LZTFL1: variants seen among roughly 807,000 people sequenced by gnomAD.
The protein encoded by LZTFL1 is leucine zipper transcription factor like 1.
A neutral mutation model predicts 45.9 loss-of-function variants in LZTFL1; 25 were observed. The observed-to-expected ratio is 0.54, with a 90% CI of 0.40 to 0.76. The LOEUF is 0.76. Ranked by LOEUF, LZTFL1 falls within the 30% of genes least tolerant of loss-of-function variation. LZTFL1 has a pLI of 0.00. For missense variants in LZTFL1, 277 were observed against 331.1 expected (o/e 0.84, Z 1.27); for synonymous variants, 93 against 117.4 (o/e 0.79, Z 1.35).
Position 45,869,584 on chromosome 3 carries a change from G to A in LZTFL1, c.-214-10568C>T, listed in dbSNP as rs74743754. Among the ~76,000 whole-genome samples, 601 of 152,134 alleles carry A rather than the reference G, an allele frequency of 4.0e-3. 2 individuals are homozygous for A. Among genetic ancestry groups the A allele is most frequent in the Non-Finnish European group, 6.5e-3 (441 of 68,002 alleles). ...GTCCATCTCTAACTTTTAAGACAACGCAGCCAACTCTGAGCCTACACCCCC... is the reference window on the plus strand; with the variant it reads ...GTCCATCTCTAACTTTTAAGACAACACAGCCAACTCTGAGCCTACACCCCC... On this transcript the variant is annotated intron_variant, in intron 2 of 4. Transcript: ENST00000472635.
chr3:45,883,998 G>A lies in LZTFL1; in HGVS notation c.-214-24982C>T, dbSNP rs578216328. Reference sequence around the variant, plus strand: ...TGCACTCCACGCCATTCTGGGGTAGGTTGGGTCCTGAAGAAATCCTGAGAT... The same window carrying A: ...TGCACTCCACGCCATTCTGGGGTAGATTGGGTCCTGAAGAAATCCTGAGAT... On this transcript the variant is annotated intron_variant, in intron 2 of 4. Transcript: ENST00000472635. The A allele has an allele frequency of 1.4e-5, 4 of 284,392 alleles. No homozygotes were observed. In the East Asian group the frequency reaches 3.3e-4, roughly 23 times the overall value. 17.6% of individuals were successfully genotyped at this position (284,392 alleles called of 1,614,324 possible).
intron 2 of LZTFL1, among the ~76,000 whole-genome samples, chr3:45,881,318 C>T (rs1701855569): frequency 6.6e-6 from 1 of 152,218 alleles, no homozygotes; most frequent in Admixed American, 6.5e-5. Flanking sequence ...TCTGCCAAAA[C>T]CAACATTTCC....
At chr3:45,882,988 G>A (rs1701889590) in intron 2 of LZTFL1, among the ~76,000 whole-genome samples, 1 of 152,006 alleles carries the variant, frequency 6.6e-6, no homozygotes, top group Non-Finnish European at 1.5e-5. Context: ...TCTCAGTTTA[G>A]AATTTGTAAT....
At position 45,825,068 on chromosome 3, in the gene LZTFL1, GC is replaced by G. The variant is rs762155369; in HGVS notation, c.*1245del. ...CTATAAGAAAAATAATAAATTCAAGGCTATTACTAAAAGCTTGAATAAAAAT... is the reference window on the plus strand; with the variant it reads ...CTATAAGAAAAATAATAAATTCAAGGTATTACTAAAAGCTTGAATAAAAAT... On this transcript the variant is annotated 3_prime_UTR_variant, in exon 10 of 10. Transcript: ENST00000296135. 5.1e-6 allele frequency: 2 copies of G among 392,890 alleles called. No homozygotes were observed. The highest frequency in any genetic ancestry group is 9.0e-6 in the Non-Finnish European group (2 of 222,790). 24.3% of individuals were successfully genotyped at this position (392,890 alleles called of 1,614,324 possible).
intron 3 of LZTFL1, chr3:45,855,143 C>T (rs1701369812): frequency 2.2e-6 from 2 of 901,978 alleles, no homozygotes; most frequent in African/African-American, 3.3e-5. Context: ...ATATGATGAA[C>T]ATCAATGCAA....
chr3:45,873,427 T>C (rs1197696883), intron 2 of LZTFL1, among the ~76,000 whole-genome samples: 1 of 152,246 alleles, frequency 6.6e-6, no homozygotes, highest in Non-Finnish European at 1.5e-5. Flanking sequence ...TTACTTGCCT[T>C]ACTTGCCTTC....
chr3:45,913,769 G>A (rs1159142763), intron 1 of LZTFL1, among the ~76,000 whole-genome samples: 1 of 151,994 alleles, frequency 6.6e-6, no homozygotes, highest in Non-Finnish European at 1.5e-5. Context: ...ACCAGCTTAG[G>A]AACTCCCTCC....
At chr3:45,854,855 C>T (rs1701364285) in intron 4 of LZTFL1, 1 of 628,242 alleles carries the variant, frequency 1.6e-6, no homozygotes, top group Non-Finnish European at 2.6e-6. Context: ...TCAAAATCAT[C>T]ACCATTCCCT....
intron 3 of LZTFL1, among the ~76,000 whole-genome samples, chr3:45,858,365 G>C (rs1165834234): frequency 2.0e-5 from 3 of 152,224 alleles, no homozygotes; most frequent in Non-Finnish European, 4.4e-5. Context: ...TGACCTCCAA[G>C]GTCAAGGGAA....
chr3:45,902,373 C>T (rs1321725744), intron 2 of LZTFL1: 2 of 170,582 alleles, frequency 1.2e-5, no homozygotes, highest in African/African-American at 4.8e-5. Flanking sequence ...GCTCTTGAGC[C>T]TGATAACCCA....
chr3:45,891,310 T>C (rs1216423189), intron 2 of LZTFL1, among the ~76,000 whole-genome samples: 1 of 152,248 alleles, frequency 6.6e-6, no homozygotes, highest in South Asian at 2.1e-4. Context: ...AAAAATTTAT[T>C]GTGAGTCTTA....
intron 3 of LZTFL1, among the ~76,000 whole-genome samples, chr3:45,856,757 A>G (rs1701400017): frequency 6.6e-6 from 1 of 152,360 alleles, no homozygotes; most frequent in East Asian, 1.9e-4. Flanking sequence ...TATGCAGCCA[A>G]CAAACATGAA....
intron 9 of LZTFL1, chr3:45,827,089 C>T: frequency 2.5e-6 from 1 of 400,890 alleles, no homozygotes; most frequent in Non-Finnish European, 4.4e-6. Context: ...TCCTGTCTGA[C>T]ATCCTGCTAA....
intron 2 of LZTFL1, among the ~76,000 whole-genome samples, chr3:45,888,005 G>A (rs1379370767): frequency 6.6e-6 from 1 of 152,256 alleles, no homozygotes; most frequent in Non-Finnish European, 1.5e-5. Flanking sequence ...AGCATCAGAG[G>A]CTATAAGTGT....
At chr3:45,891,424 T>C (rs1702175675) in intron 2 of LZTFL1, among the ~76,000 whole-genome samples, 2 of 152,200 alleles carry the variant, frequency 1.3e-5, no homozygotes, top group South Asian at 4.1e-4. Context: ...ACTGGCTTTA[T>C]TATTCTCCTT....
chr3:45,876,423 C>T (rs1215174060), intron 2 of LZTFL1, among the ~76,000 whole-genome samples: 1 of 152,182 alleles, frequency 6.6e-6, no homozygotes, highest in East Asian at 1.9e-4. Context: ...TCACAGATTA[C>T]AGCAATCCTA....
At chr3:45,879,492 C>T (rs1339619755) in intron 2 of LZTFL1, among the ~76,000 whole-genome samples, 1 of 152,062 alleles carries the variant, frequency 6.6e-6, no homozygotes, top group Non-Finnish European at 1.5e-5. Context: ...TCAGTGGTTG[C>T]CAGGAGTAAG....
intron 2 of LZTFL1, among the ~76,000 whole-genome samples, chr3:45,882,198 A>G (rs1210870255): frequency 6.6e-6 from 1 of 152,224 alleles, no homozygotes; most frequent in Admixed American, 6.5e-5. Context: ...GGCTTCAACC[A>G]TGGCCAGTAT....
chr3:45,910,311 CTG>C (rs768197520), intron 2 of LZTFL1, among the ~76,000 whole-genome samples: 5 of 151,986 alleles, frequency 3.3e-5, no homozygotes, highest in Non-Finnish European at 7.4e-5. Flanking sequence ...TTGACTTACT[CTG>C]GGGGTAGACA....
Sources: gnomAD v4.1 joint callset for allele counts (sites outside exome capture counted in the v4.1 genomes callset) on GRCh38, gnomAD v4.1.1 for gene constraint, MANE v1.5 for transcripts, NCBI Gene and HGNC (gene_info 2026-07-23, HGNC 2026-07-21) for gene names.